The following RIMS1 variants were observed in gnomAD, a reference collection of about 807,000 sequenced individuals.
The protein encoded by RIMS1 is regulating synaptic membrane exocytosis protein 1.
A neutral mutation model predicts 214.1 loss-of-function variants in RIMS1; 83 were observed. The ratio of observed to expected loss-of-function variants is 0.39; its 90% CI spans 0.32 to 0.47. The LOEUF (loss-of-function observed/expected upper bound fraction) is 0.47, where lower values mean the gene tolerates loss of function less well. Among genes scored for constraint, RIMS1 ranks in the 20% least tolerant of loss-of-function variants. The pLI is 0.99. For missense variants in RIMS1, 2,050 were observed against 2,161.8 expected, an observed-to-expected ratio of 0.95 and a Z score of 1.03; for synonymous variants, 793 against 786.8, an observed-to-expected ratio of 1.01 and a Z score of -0.13.
rs557759487 is a variant in RIMS1 at position 72,010,984 on chromosome 6, AG to A, written c.245+41922del. ...ACAGAATTGGAAAAAACTACTTTAA[AG>A]TTCATATGGAACCAAAAAAGAGCCT... is the stretch of plus-strand genomic sequence containing the variant. On this transcript the variant is annotated intron_variant, in intron 2 of 33. Coordinates refer to ENST00000521978, the MANE Select transcript of RIMS1 (RefSeq NM_014989.7). Among the ~76,000 whole-genome samples the A allele has an allele frequency of 4.6e-3, 706 of 152,294 alleles. 3 individuals carry two copies. Among genetic ancestry groups the A allele is most frequent in the Admixed American group, 0.024 (370 of 15,294 alleles).
intron 16 of RIMS1, among the ~76,000 whole-genome samples, chr6:72,256,435 A>G (rs1431467654): frequency 6.6e-6 from 1 of 152,122 alleles, no homozygotes; most frequent in Admixed American, 6.5e-5. Flanking sequence ...ATTAATTTCT[A>G]TATAACCACA....
chr6:72,385,488 CA>C (rs1337190047), intron 29 of RIMS1, among the ~76,000 whole-genome samples: 1 of 149,284 alleles, frequency 6.7e-6, no homozygotes, highest in Non-Finnish European at 1.5e-5. Context: ...GTTCTATTTG[CA>C]AAATAAATAA....
intron 2 of RIMS1, among the ~76,000 whole-genome samples, chr6:71,994,701 T>C (rs1333790512): frequency 6.6e-6 from 1 of 152,180 alleles, no homozygotes; most frequent in East Asian, 1.9e-4. Context: ...TTCTTTTGAA[T>C]AAAGGAAAAT....
intron 8 of RIMS1, among the ~76,000 whole-genome samples, chr6:72,236,624 G>C (rs968995518): frequency 6.6e-6 from 1 of 152,056 alleles, no homozygotes; most frequent in Admixed American, 6.6e-5. Flanking sequence ...CCTGGCACCT[G>C]TCTTCTATGT....
chr6:72,222,090 C>G (rs1201936862), intron 6 of RIMS1, among the ~76,000 whole-genome samples: 16 of 151,886 alleles, frequency 1.1e-4, no homozygotes, highest in Non-Finnish European at 1.6e-4. Flanking sequence ...GAAAAATTGA[C>G]TTTTTAACAT....
intron 28 of RIMS1, among the ~76,000 whole-genome samples, chr6:72,323,341 G>T (rs1036395947): frequency 2.0e-5 from 3 of 151,958 alleles, no homozygotes; most frequent in Non-Finnish European, 4.4e-5. Context: ...TTATCAAATA[G>T]AGAGAGACTT....
At chr6:72,149,140 GA>G (rs542638208) in intron 4 of RIMS1, among the ~76,000 whole-genome samples, 41 of 151,378 alleles carry the variant, frequency 2.7e-4, no homozygotes, top group African/African-American at 7.0e-4. Flanking sequence ...TTCAACAGGG[GA>G]AAAAAAAACT....
At position 71,939,395 on chromosome 6, in the gene RIMS1, C is replaced by T. The variant is rs147766250; in HGVS notation, c.165-29588C>T. 1.2e-3 allele frequency among the ~76,000 whole-genome samples: 189 copies of T among 152,306 alleles called. 1 individual carries two copies. Among genetic ancestry groups the T allele is most frequent in the African/African-American group, 4.3e-3 (178 of 41,570 alleles). On this transcript the variant is annotated intron_variant, in intron 1 of 33. Transcript: ENST00000521978. ...CTTCTCCAGTTTCTTCCAATCTGTA[C>T]ACATGACCCTGTTCCAAAGCTGCTT... is the stretch of plus-strand genomic sequence containing the variant.
chr6:72,255,975 G>A (rs1057132800), intron 16 of RIMS1, among the ~76,000 whole-genome samples: 2 of 143,020 alleles, frequency 1.4e-5, no homozygotes, highest in East Asian at 4.2e-4. Flanking sequence ...GGCAGAGGTT[G>A]CAGTGAGCCA....
chr6:71,936,189 T>C (rs1395499686), intron 1 of RIMS1, among the ~76,000 whole-genome samples: 3 of 150,652 alleles, frequency 2.0e-5, no homozygotes, highest in East Asian at 3.9e-4. Context: ...TAGCCGGGCG[T>C]GGTAGCGGGC....
intron 1 of RIMS1, among the ~76,000 whole-genome samples, chr6:71,900,477 A>G (rs1240884411): frequency 6.6e-6 from 1 of 152,114 alleles, no homozygotes; most frequent in African/African-American, 2.4e-5. Context: ...TCAAGAGCAG[A>G]TTAGATGAAG....
At chr6:72,119,904 T>C (rs1321107857) in intron 4 of RIMS1, among the ~76,000 whole-genome samples, 1 of 151,754 alleles carries the variant, frequency 6.6e-6, no homozygotes, top group African/African-American at 2.4e-5. Flanking sequence ...ACATGTGGTG[T>C]TTGGCTTTCT....
chr6:72,270,188 T>G (rs2082339429), intron 22 of RIMS1, among the ~76,000 whole-genome samples: 1 of 152,144 alleles, frequency 6.6e-6, no homozygotes, highest in African/African-American at 2.4e-5. Flanking sequence ...CAGCTATAAA[T>G]TGAATTGAAA....
chr6:72,127,170 A>G (rs1454027561), intron 4 of RIMS1, among the ~76,000 whole-genome samples: 1 of 152,140 alleles, frequency 6.6e-6, no homozygotes, highest in Non-Finnish European at 1.5e-5. Context: ...GGTATTATTG[A>G]TGTTAATATT....
In RIMS1 at chr6:72,392,813, A is replaced by G. The variant is rs1313296585; in HGVS notation, c.4618+3A>G. 4 of 1,573,704 alleles carry G rather than the reference A, an allele frequency of 2.5e-6. No homozygotes were observed. The highest frequency in any genetic ancestry group is 3.5e-6 in the Non-Finnish European group (4 of 1,154,766). ...AACCCTTGCCACCCCTGCAATGGGT[A>G]AGAATCATTTTTTTTTTCTACAAGA... On this transcript the variant is annotated splice_donor_region_variant and intron_variant, in intron 31 of 33. Coordinates refer to ENST00000521978, the MANE Select transcript of RIMS1 (RefSeq NM_014989.7).
chr6:71,956,610 T>C (rs904286492), intron 1 of RIMS1, among the ~76,000 whole-genome samples: 1 of 152,156 alleles, frequency 6.6e-6, no homozygotes, highest in Non-Finnish European at 1.5e-5. Flanking sequence ...TATTTTACAG[T>C]AAAGACAGGA....
At chr6:71,917,032 A>C (rs1357709188) in intron 1 of RIMS1, among the ~76,000 whole-genome samples, 1 of 152,144 alleles carries the variant, frequency 6.6e-6, no homozygotes, top group African/African-American at 2.4e-5. Flanking sequence ...AAAAAGACTT[A>C]CATTACCATT....
At chr6:72,226,150 T>C (rs2060115114) in intron 6 of RIMS1, among the ~76,000 whole-genome samples, 1 of 152,112 alleles carries the variant, frequency 6.6e-6, no homozygotes, top group Non-Finnish European at 1.5e-5. Flanking sequence ...TGTGTATGTG[T>C]TTGTGTGTTT....
intron 4 of RIMS1, among the ~76,000 whole-genome samples, chr6:72,176,818 C>T (rs1427154570): frequency 6.6e-6 from 1 of 152,156 alleles, no homozygotes; most frequent in Non-Finnish European, 1.5e-5. Context: ...GCTGTTTTGA[C>T]ATAGTCACTA....
Sources: gnomAD v4.1 joint callset for allele counts (sites outside exome capture counted in the v4.1 genomes callset) on GRCh38, gnomAD v4.1.1 for gene constraint, MANE v1.5 for transcripts, NCBI Gene and HGNC (gene_info 2026-07-23, HGNC 2026-07-21) for gene names.